The following KHDRBS1 variants were observed in gnomAD, a reference collection of about 807,000 sequenced individuals.
KHDRBS1 encodes the protein KH domain-containing, RNA-binding, signal transduction-associated protein 1.
A neutral mutation model predicts 48.4 loss-of-function variants in KHDRBS1; 7 were observed. The observed-to-expected ratio is 0.14, with a 90% CI of 0.08 to 0.27. KHDRBS1 has a LOEUF of 0.27. Ranked by LOEUF, KHDRBS1 falls within the 10% of genes least tolerant of loss-of-function variation. KHDRBS1 has a pLI of 1.00. For missense variants in KHDRBS1, 458 were observed against 601.2 expected, an observed-to-expected ratio of 0.76 and a Z score of 2.49; for synonymous variants, 241 against 235.8, an observed-to-expected ratio of 1.02 and a Z score of -0.20.
chr1:32,036,123 A>C (rs544488266), intron 4 of KHDRBS1, among the ~76,000 whole-genome samples: 30 of 150,538 alleles, frequency 2.0e-4, no homozygotes, highest in Admixed American at 1.7e-3. Flanking sequence ...TAACTGTAAA[A>C]TGTGGAGATC....
Position 32,031,570 on chromosome 1 carries a change from A to G in KHDRBS1, c.554A>G (p.Lys185Arg). The change falls in exon 3 of 9, where the codon AAA (lysine) becomes AGA (arginine). Residue 185 changes from lysine (K) to arginine (R), a missense_variant. By Grantham distance (26) the Lys-to-Arg change is conservative (BLOSUM62 2). Around this residue, in one of 3 missense-constraint regions of KHDRBS1, gnomAD observed 74 missense variants for 156.9 expected, o/e 0.47. Transcript: ENST00000327300. ...CTTGGACCACAAGGGAATACAATCA[A>G]AAGACTGCAGGAAGAGACTGGTGCA... ...KILGPQGNTI[K>R]RLQEETGAKI... 1.9e-6 allele frequency: 3 copies of G among 1,611,554 alleles called. No homozygotes were observed. The highest frequency in any genetic ancestry group is 2.5e-6 in the Non-Finnish European group (3 of 1,179,338).
intron 1 of KHDRBS1, among the ~76,000 whole-genome samples, chr1:32,021,935 G>C (rs1251038626): frequency 6.6e-6 from 1 of 151,468 alleles, no homozygotes; most frequent in Non-Finnish European, 1.5e-5. Context: ...ATAGGCGTGA[G>C]GCACCACACC....
At chr1:32,059,789 A>G (rs1639524137) in intron 10 of KHDRBS1, among the ~76,000 whole-genome samples, 1 of 152,092 alleles carries the variant, frequency 6.6e-6, no homozygotes, top group African/African-American at 2.4e-5. Context: ...ATTTTTGTTC[A>G]TCTTTTTCAC....
At chr1:32,017,556 A>G (rs1055261894) in intron 1 of KHDRBS1, among the ~76,000 whole-genome samples, 10 of 150,326 alleles carry the variant, frequency 6.7e-5, no homozygotes, top group African/African-American at 2.4e-4. Flanking sequence ...ATATTTATAT[A>G]GTAAGTAAAA....
chr1:32,025,973 C>G (rs59801478), intron 1 of KHDRBS1, among the ~76,000 whole-genome samples: 3 of 139,804 alleles, frequency 2.1e-5, no homozygotes, highest in African/African-American at 9.8e-5. Flanking sequence ...GAGACAGGGT[C>G]TCGCTGTGTT....
chr1:32,049,475 G>A (rs1569821548), intron 10 of KHDRBS1, among the ~76,000 whole-genome samples: 1 of 147,560 alleles, frequency 6.8e-6, no homozygotes, highest in Non-Finnish European at 1.5e-5. Flanking sequence ...CATATACTAC[G>A]TTTCATTTAT....
intron 1 of KHDRBS1, among the ~76,000 whole-genome samples, chr1:32,015,470 TCTCC>T (rs1557887452): frequency 1.3e-5 from 2 of 152,212 alleles, no homozygotes; most frequent in East Asian, 1.9e-4. Flanking sequence ...GAAAATATTA[TCTCC>T]CTCCCTTTGT....
At chr1:32,049,666 A>T (rs1331223642) in intron 10 of KHDRBS1, among the ~76,000 whole-genome samples, 66 of 137,674 alleles carry the variant, frequency 4.8e-4, no homozygotes, top group Non-Finnish European at 6.5e-4. Flanking sequence ...TTTATTTTTT[A>T]TTTTTTTTTT....
At chr1:32,019,411 G>C (rs779390941) in intron 1 of KHDRBS1, among the ~76,000 whole-genome samples, 1 of 151,978 alleles carries the variant, frequency 6.6e-6, no homozygotes, top group Non-Finnish European at 1.5e-5. Flanking sequence ...TTAGTTGGGC[G>C]TGGTGGCAGG....
intron 1 of KHDRBS1, among the ~76,000 whole-genome samples, chr1:32,024,068 A>G (rs761303538): frequency 5.3e-5 from 8 of 152,174 alleles, no homozygotes; most frequent in African/African-American, 1.2e-4. Flanking sequence ...CCTGGCCAAC[A>G]TGGTGAAACC....
chr1:32,019,044 G>A (rs112725696), intron 1 of KHDRBS1, among the ~76,000 whole-genome samples: 4 of 151,934 alleles, frequency 2.6e-5, no homozygotes, highest in African/African-American at 4.8e-5. Context: ...GCAGTGAGCC[G>A]AGATTGCGCC....
At chr1:32,022,059 C>A (rs1362783552) in intron 1 of KHDRBS1, among the ~76,000 whole-genome samples, 3 of 151,850 alleles carry the variant, frequency 2.0e-5, no homozygotes, top group African/African-American at 7.3e-5. Flanking sequence ...CCTCCACCTC[C>A]CGGGTTCAAG....
chr1:32,038,651 T>C (rs374668837), intron 7 of KHDRBS1, 32 bp downstream of exon 7: 118 of 1,601,028 alleles, frequency 7.4e-5, no homozygotes, highest in Non-Finnish European at 9.5e-5. Flanking sequence ...CTGTTTTTTG[T>C]CCTGAGGATG....
intron 10 of KHDRBS1, among the ~76,000 whole-genome samples, chr1:32,053,233 C>T (rs1639444324): frequency 6.6e-6 from 1 of 152,036 alleles, no homozygotes; most frequent in Non-Finnish European, 1.5e-5. Context: ...AACTGAATAC[C>T]AGGGAGCCTG....
intron 8 of KHDRBS1, among the ~76,000 whole-genome samples, chr1:32,040,515 A>C (rs191931221): frequency 6.8e-4 from 104 of 152,338 alleles, no homozygotes; most frequent in African/African-American, 2.4e-3. Flanking sequence ...GCTTGAAGAC[A>C]TCAACACAGT....
chr1:32,044,537 G>C (rs903459846), downstream of KHDRBS1, among the ~76,000 whole-genome samples: 1 of 152,184 alleles, frequency 6.6e-6, no homozygotes, highest in Non-Finnish European at 1.5e-5. Context: ...CACCTAAACT[G>C]CTCGGGGGTG....
chr1:32,019,517 G>A (rs1295840248), intron 1 of KHDRBS1, among the ~76,000 whole-genome samples: 2 of 150,872 alleles, frequency 1.3e-5, no homozygotes, highest in African/African-American at 4.9e-5. Context: ...GCCAACAAGT[G>A]AAACTCAATC....
intron 10 of KHDRBS1, among the ~76,000 whole-genome samples, chr1:32,053,857 C>G (rs181314022): frequency 4.9e-4 from 75 of 152,150 alleles, no homozygotes; most frequent in African/African-American, 1.8e-3. Context: ...CCGAGGTGGG[C>G]GGATCACTTG....
intron 1 of KHDRBS1, among the ~76,000 whole-genome samples, chr1:32,021,248 G>T (rs950144285): frequency 2.0e-5 from 3 of 151,942 alleles, no homozygotes; most frequent in African/African-American, 7.3e-5. Flanking sequence ...CATATGAAAG[G>T]GCTTGTAACA....
Sources: gnomAD v4.1 joint callset for allele counts (sites outside exome capture counted in the v4.1 genomes callset) on GRCh38, gnomAD v4.1.1 for gene constraint, gnomAD v4.1.1 regional missense constraint, MANE v1.5 for transcripts, NCBI Gene and HGNC (gene_info 2026-07-23, HGNC 2026-07-21) for gene names.